The following NAT1 variants were observed in gnomAD, a reference collection of about 807,000 sequenced individuals.
NAT1 encodes N-acetyltransferase 1, also known as arylamine N-acetyltransferase 1.
For synonymous variants in NAT1, 144 were observed against 122.6 expected, an observed-to-expected ratio of 1.17 and a Z score of -1.16; for missense variants, 400 against 339.2, an observed-to-expected ratio of 1.18 and a Z score of -1.41.
upstream of NAT1, among the ~76,000 whole-genome samples, chr8:18,205,641 G>A (rs374324050): frequency 1.1e-4 from 16 of 152,292 alleles, no homozygotes; most frequent in African/African-American, 3.6e-4. Flanking sequence ...GTGGATCAAG[G>A]AAAGCAAAAT....
intron 2 of NAT1, among the ~76,000 whole-genome samples, chr8:18,204,923 C>T (rs1016265559): frequency 3.4e-4 from 51 of 152,194 alleles, no homozygotes; most frequent in African/African-American, 1.1e-3. Flanking sequence ...TGACTGACCT[C>T]ATTTCTAGAA....
intron 2 of NAT1, among the ~76,000 whole-genome samples, chr8:18,202,796 G>A (rs576621215): frequency 1.4e-4 from 21 of 152,262 alleles, no homozygotes; most frequent in African/African-American, 5.1e-4. Flanking sequence ...TTATTGTGAA[G>A]AGTGAAAGAA....
At chr8:18,173,164 A>G (rs550062683) in intron 2 of NAT1, among the ~76,000 whole-genome samples, 1 of 152,070 alleles carries the variant, frequency 6.6e-6, no homozygotes, top group Non-Finnish European at 1.5e-5. Flanking sequence ...ACACACACAC[A>G]CACACACACA....
At chr8:18,183,391 A>G (rs1228162330) in intron 2 of NAT1, among the ~76,000 whole-genome samples, 1 of 152,196 alleles carries the variant, frequency 6.6e-6, no homozygotes, top group Non-Finnish European at 1.5e-5. Context: ...CCTCGCATAT[A>G]AAATACATTA....
At chr8:18,207,780 A>C (rs1254012102), upstream of NAT1, among the ~76,000 whole-genome samples, 1 of 152,206 alleles carries the variant, frequency 6.6e-6, no homozygotes, top group East Asian at 1.9e-4. Context: ...TACCCAAAGG[A>C]ATATAAATCA....
intron 1 of NAT1, chr8:18,211,330 G>C (rs1031296047): frequency 3.9e-5 from 6 of 152,194 alleles, no homozygotes; most frequent in Non-Finnish European, 8.8e-5. Flanking sequence ...CTGACATGAG[G>C]CCCACTACAA....
At chr8:18,171,764 G>A (rs1425763930) in intron 2 of NAT1, among the ~76,000 whole-genome samples, 4 of 152,190 alleles carry the variant, frequency 2.6e-5, no homozygotes, top group Non-Finnish European at 4.4e-5. Flanking sequence ...TTCTGAGCTA[G>A]AAACGCAACA....
chr8:18,194,830 A>AAAG (rs1803169129), intron 2 of NAT1, among the ~76,000 whole-genome samples: 1 of 151,930 alleles, frequency 6.6e-6, no homozygotes, highest in Non-Finnish European at 1.5e-5. Context: ...AAAAAAAAAA[A>AAAG]AAAAGAATAT....
At chr8:18,194,931 TG>T (rs1361396668) in intron 2 of NAT1, among the ~76,000 whole-genome samples, 1 of 152,206 alleles carries the variant, frequency 6.6e-6, no homozygotes, top group Non-Finnish European at 1.5e-5. Flanking sequence ...GTAATTGTGC[TG>T]GTTTCTGTTA....
At chr8:18,215,898 GTTAAGGATGTGGGCC>G (rs1233453363) in intron 1 of NAT1, among the ~76,000 whole-genome samples, 1 of 152,132 alleles carries the variant, frequency 6.6e-6, no homozygotes, top group African/African-American at 2.4e-5. Context: ...ATTTGCCAAA[GTTAAGGATGTGGGCC>G]TGGGAGACAG....
At chr8:18,178,095 G>A (rs1218038372) in intron 2 of NAT1, among the ~76,000 whole-genome samples, 1 of 152,086 alleles carries the variant, frequency 6.6e-6, no homozygotes, top group African/African-American at 2.4e-5. Flanking sequence ...TGGGACAGAG[G>A]GAGGGAGATG....
At chr8:18,172,392 A>T (rs1417222193) in intron 2 of NAT1, among the ~76,000 whole-genome samples, 1 of 152,214 alleles carries the variant, frequency 6.6e-6, no homozygotes, top group Non-Finnish European at 1.5e-5. Flanking sequence ...CTGCTGGGAA[A>T]GTCACCAGTG....
chr8:18,192,831 G>A (rs566898248), intron 2 of NAT1, among the ~76,000 whole-genome samples: 2 of 151,642 alleles, frequency 1.3e-5, no homozygotes, highest in South Asian at 4.2e-4. Context: ...CACACTCTGG[G>A]GACTGTTGTG....
rs1325684180 is a variant in NAT1, at chr8:18,222,092, T to G, written c.45T>G (p.Ser15=). 6.2e-7 allele frequency: 1 copy of G among 1,613,968 alleles called. No individual in the cohort carries two copies. The highest frequency in any genetic ancestry group is 8.5e-7 in the Non-Finnish European group (1 of 1,179,966). The change falls in exon 3 of 3, where the codon TCT becomes TCG. Residue 15 remains serine (S), a synonymous_variant. Coordinates refer to ENST00000307719, the MANE Select transcript of NAT1 (RefSeq NM_000662.8). ...TTGAAAGAATTGGCTATAAGAAGTC[T>G]AGGAACAAATTGGACTTGGAAACAT... ...AYLERIGYKK[S]RNKLDLETLT... is the part of the protein sequence containing the mutation.
At chr8:18,210,996 G>A (rs1804045340) in intron 1 of NAT1, among the ~76,000 whole-genome samples, 1 of 152,022 alleles carries the variant, frequency 6.6e-6, no homozygotes, top group Non-Finnish European at 1.5e-5. Context: ...GTAGCGATGG[G>A]GTTTCACCGT....
chr8:18,187,588 C>T (rs1257379232), intron 2 of NAT1, among the ~76,000 whole-genome samples: 1 of 152,182 alleles, frequency 6.6e-6, no homozygotes, highest in Admixed American at 6.5e-5. Context: ...TTATCCTTAG[C>T]AAACTAATGC....
At chr8:18,186,393 G>A (rs750586988) in intron 2 of NAT1, among the ~76,000 whole-genome samples, 2 of 152,006 alleles carry the variant, frequency 1.3e-5, no homozygotes, top group Non-Finnish European at 2.9e-5. Context: ...GCATGATACT[G>A]GTGTAGGTAC....
chr8:18,211,862 C>A (rs138315119), intron 1 of NAT1, among the ~76,000 whole-genome samples: 1 of 152,188 alleles, frequency 6.6e-6, no homozygotes, highest in Non-Finnish European at 1.5e-5. Context: ...AGAAAAGCCA[C>A]TCATTGGCTC....
intron 2 of NAT1, among the ~76,000 whole-genome samples, chr8:18,200,194 T>C (rs1480206063): frequency 2.0e-5 from 3 of 152,216 alleles, no homozygotes; most frequent in African/African-American, 4.8e-5. Flanking sequence ...TTATTGGGTG[T>C]ATACCCAAAG....
Sources: gnomAD v4.1 joint callset for allele counts (sites outside exome capture counted in the v4.1 genomes callset) on GRCh38, gnomAD v4.1.1 for gene constraint, MANE v1.5 for transcripts, NCBI Gene and HGNC (gene_info 2026-07-23, HGNC 2026-07-21) for gene names.